NUP210L: variants seen among roughly 807,000 people sequenced by gnomAD.
The protein encoded by NUP210L is nucleoporin 210 like.
Under a neutral mutation model 208.5 loss-of-function variants are expected in NUP210L, and 74 were observed. That is an observed-to-expected ratio of 0.35 (90% CI 0.29 to 0.43). The LOEUF (loss-of-function observed/expected upper bound fraction) is 0.43. Ranked by LOEUF, NUP210L falls within the 20% of genes least tolerant of loss-of-function variation. The pLI is 1.00. For synonymous variants in NUP210L, 780 were observed against 816.9 expected (o/e 0.95, Z 0.77); for missense variants, 1,843 against 2,289.4 (o/e 0.81, Z 3.98).
rs1397430430 is a variant in NUP210L, at chr1:154,143,641, A to G, written c.341-64T>C. On this transcript the variant is annotated intron_variant, in intron 2 of 39. Coordinates refer to ENST00000368559, the Ensembl canonical transcript of NUP210L. Reference sequence around the variant, plus strand: ...GTCATGAATCTATTAAATGTCTCAAATACTCAAAACTGTATTCTAAAGATT... The same window carrying G: ...GTCATGAATCTATTAAATGTCTCAAGTACTCAAAACTGTATTCTAAAGATT... 4 of 1,394,016 alleles carry G rather than the reference A, an allele frequency of 2.9e-6. No individual in the cohort carries two copies. In the East Asian group the frequency reaches 6.9e-5, roughly 24 times the overall value. 86.4% of individuals were successfully genotyped at this position (1,394,016 alleles called of 1,614,324 possible).
intron 12 of NUP210L, among the ~76,000 whole-genome samples, chr1:154,114,160 T>C (rs960508717): frequency 6.6e-6 from 1 of 150,976 alleles, no homozygotes; most frequent in Non-Finnish European, 1.5e-5. Flanking sequence ...AAAAAAAAAT[T>C]TGCCAGGCGT....
chr1:154,049,140 G>A (rs2841105), intron 25 of NUP210L, among the ~76,000 whole-genome samples: 2,639 of 152,150 alleles, frequency 0.017, 76 homozygotes, highest in African/African-American at 0.061. Context: ...AATTCAACCC[G>A]CTCAATTTAA....
chr1:154,110,330 G>T (rs2148079174), intron 12 of NUP210L, among the ~76,000 whole-genome samples: 1 of 148,802 alleles, frequency 6.7e-6, no homozygotes, highest in Non-Finnish European at 1.5e-5. Context: ...AGAGTGCTGT[G>T]GTGCAATCTC....
At chr1:153,999,859 T>C (rs990669136) in intron 37 of NUP210L, among the ~76,000 whole-genome samples, 9 of 149,576 alleles carry the variant, frequency 6.0e-5, no homozygotes, top group African/African-American at 2.2e-4. Context: ...AGGGTCTTGC[T>C]CTGTCACCAG....
chr1:154,020,293 C>A (rs140530335), intron 32 of NUP210L, among the ~76,000 whole-genome samples: 97 of 152,348 alleles, frequency 6.4e-4, no homozygotes, highest in African/African-American at 2.1e-3. Flanking sequence ...GCAGTGTACA[C>A]CACTTTGGGA....
chr1:154,018,632 G>T (rs1386987451), intron 33 of NUP210L, among the ~76,000 whole-genome samples: 3 of 152,070 alleles, frequency 2.0e-5, no homozygotes, highest in African/African-American at 7.2e-5. Flanking sequence ...ACCCTGATCT[G>T]CCAACATATG....
At chr1:154,107,488 A>C (rs2148075217) in intron 12 of NUP210L, among the ~76,000 whole-genome samples, 1 of 151,442 alleles carries the variant, frequency 6.6e-6, no homozygotes, top group African/African-American at 2.4e-5. Flanking sequence ...AAAAAAAAAA[A>C]ACTAAAGAAT....
chr1:153,997,940 C>T (rs1196370312), intron 37 of NUP210L, among the ~76,000 whole-genome samples: 2 of 151,724 alleles, frequency 1.3e-5, no homozygotes, highest in African/African-American at 2.4e-5. Flanking sequence ...AAACTCCTGA[C>T]CTTGTGATCC....
intron 17 of NUP210L, among the ~76,000 whole-genome samples, chr1:154,061,925 T>A (rs1021387892): frequency 1.3e-5 from 2 of 152,074 alleles, no homozygotes; most frequent in African/African-American, 4.8e-5. Flanking sequence ...CCTCCCGGGT[T>A]CAAGCAATTC....
intron 16 of NUP210L, among the ~76,000 whole-genome samples, chr1:154,084,437 T>G (rs547029195): frequency 6.6e-6 from 1 of 151,378 alleles, no homozygotes; most frequent in Non-Finnish European, 1.5e-5. Flanking sequence ...GTCTTGAACT[T>G]CTGACCTCAA....
intron 14 of NUP210L, among the ~76,000 whole-genome samples, chr1:154,098,973 G>A (rs1436672557): frequency 6.6e-6 from 1 of 152,192 alleles, no homozygotes; most frequent in African/African-American, 2.4e-5. Flanking sequence ...GTCTGGAGGG[G>A]GCCAAGGCAG....
intron 14 of NUP210L, among the ~76,000 whole-genome samples, chr1:154,096,306 C>A (rs1046335596): frequency 2.0e-5 from 3 of 152,096 alleles, no homozygotes; most frequent in Non-Finnish European, 4.4e-5. Flanking sequence ...AAATTTCTAT[C>A]CCTGATGGTA....
At chr1:154,082,421 A>G (rs902829948) in intron 16 of NUP210L, among the ~76,000 whole-genome samples, 1 of 152,206 alleles carries the variant, frequency 6.6e-6, no homozygotes, top group Non-Finnish European at 1.5e-5. Context: ...AAAATACATG[A>G]AGCAAAACCT....
chr1:154,153,306 A>G (rs1231919414), intron 1 of NUP210L, among the ~76,000 whole-genome samples: 1 of 152,098 alleles, frequency 6.6e-6, no homozygotes, highest in Non-Finnish European at 1.5e-5. Flanking sequence ...AAATATTTTT[A>G]TTCTTATTTA....
chr1:154,017,006 A>G (rs528657198), intron 33 of NUP210L, among the ~76,000 whole-genome samples: 64 of 151,916 alleles, frequency 4.2e-4, no homozygotes, highest in African/African-American at 9.4e-4. Flanking sequence ...GCCTGGGCGC[A>G]GTGGCAGCTC....
intron 35 of NUP210L, among the ~76,000 whole-genome samples, chr1:154,008,284 G>A (rs940498937): frequency 6.6e-6 from 1 of 152,068 alleles, no homozygotes; most frequent in Non-Finnish European, 1.5e-5. Flanking sequence ...TGGACATGGT[G>A]GTTCATGCCT....
exon 22 of NUP210L, chr1:154,058,097 G>C: frequency 6.2e-7 from 1 of 1,614,110 alleles, no homozygotes; most frequent in East Asian, 2.2e-5. Flanking sequence ...ACGTCAGGGT[G>C]ACAATGGCAG....
In NUP210L at chr1:154,060,240, A is replaced by G. The variant is rs192764280; in HGVS notation, c.2850+300T>C. 2.0e-5 allele frequency among the ~76,000 whole-genome samples: 3 copies of G among 152,198 alleles called. No individual in the cohort carries two copies. The East Asian group carries it at 5.8e-4, about 29-fold the overall frequency. On this transcript the variant is annotated intron_variant, in intron 20 of 39. Coordinates refer to ENST00000368559, the Ensembl canonical transcript of NUP210L. ...GGCAACAGAGCGAGACTCTATCTCA[A>G]TAAATAAAGTCAATAGTATATTTAA...
chr1:154,076,638 T>C (rs966715727), intron 16 of NUP210L, among the ~76,000 whole-genome samples: 3 of 151,838 alleles, frequency 2.0e-5, no homozygotes, highest in African/African-American at 7.3e-5. Context: ...ATTGGAGAAC[T>C]TGAAGCTAGG....
Sources: gnomAD v4.1 joint callset for allele counts (sites outside exome capture counted in the v4.1 genomes callset) on GRCh38, gnomAD v4.1.1 for gene constraint, MANE v1.5 for transcripts, NCBI Gene and HGNC (gene_info 2026-07-23, HGNC 2026-07-21) for gene names.